RANBP17: variants seen among roughly 807,000 people sequenced by gnomAD.
The protein encoded by RANBP17 is RAN binding protein 17, also known as ran-binding protein 17.
Under a neutral mutation model 141.2 loss-of-function variants are expected in RANBP17, and 158 were observed. The observed-to-expected ratio is 1.12, with a 90% confidence interval of 0.98 to 1.28. The LOEUF is 1.28. RANBP17 is among the 50% of genes most tolerant of loss of function. RANBP17 has a pLI of 0.00. For synonymous variants in RANBP17, 430 were observed against 450.0 expected (o/e 0.96, Z 0.56); for missense variants, 1,438 against 1,290.7 (o/e 1.11, Z -1.75).
chr5:171,144,068 G>A (rs1210801056), intron 14 of RANBP17, among the ~76,000 whole-genome samples: 1 of 152,176 alleles, frequency 6.6e-6, no homozygotes, highest in East Asian at 1.9e-4. Context: ...TACCCTGTAA[G>A]AAATAGGCTG....
At chr5:171,103,035 G>C (rs920970064) in intron 14 of RANBP17, among the ~76,000 whole-genome samples, 13 of 152,172 alleles carry the variant, frequency 8.5e-5, no homozygotes, top group Admixed American at 7.2e-4. Flanking sequence ...GGTGTCTGTC[G>C]ACCCCTGCTG....
At chr5:170,869,323 C>CTTTT (rs70982310) in intron 1 of RANBP17, among the ~76,000 whole-genome samples, 3 of 125,482 alleles carry the variant, frequency 2.4e-5, no homozygotes, top group Non-Finnish European at 4.9e-5. Flanking sequence ...GCTCACAACA[C>CTTTT]TTTTTTTTTT....
intron 12 of RANBP17, among the ~76,000 whole-genome samples, chr5:170,952,854 A>G (rs1775312951): frequency 6.6e-6 from 1 of 152,018 alleles, no homozygotes; most frequent in Non-Finnish European, 1.5e-5. Context: ...CAGAGATATA[A>G]AATAATATAC....
intron 12 of RANBP17, among the ~76,000 whole-genome samples, chr5:170,938,938 C>G (rs966622356): frequency 2.6e-5 from 4 of 152,084 alleles, no homozygotes; most frequent in African/African-American, 7.2e-5. Context: ...ATCAATACAG[C>G]AAGCCCAACA....
intron 24 of RANBP17, among the ~76,000 whole-genome samples, chr5:171,260,999 CAT>C (rs1365887901): frequency 6.7e-6 from 1 of 148,172 alleles, no homozygotes; most frequent in Admixed American, 6.9e-5. Flanking sequence ...AATTGGATGT[CAT>C]GTGGTATGAA....
intron 1 of RANBP17, among the ~76,000 whole-genome samples, chr5:170,862,630 C>T (rs1766900120): frequency 6.6e-6 from 1 of 152,150 alleles, no homozygotes. Flanking sequence ...GAGGGCTACG[C>T]GGCCGCCTCT....
At chr5:171,277,943 T>C (rs1208203217) in intron 25 of RANBP17, among the ~76,000 whole-genome samples, 6,185 of 23,906 alleles carry the variant, frequency 0.26, 391 homozygotes, top group Admixed American at 0.32. Flanking sequence ...TCTTTCTTTT[T>C]TTTTTTTTTT....
intron 20 of RANBP17, among the ~76,000 whole-genome samples, chr5:171,210,225 T>G (rs1762796135): frequency 6.6e-6 from 1 of 152,124 alleles, no homozygotes; most frequent in South Asian, 2.1e-4. Context: ...ACTCCTAGAG[T>G]GGGTTCTGGT....
chr5:171,185,595 G>A (rs1471891042), intron 18 of RANBP17, among the ~76,000 whole-genome samples: 1 of 152,204 alleles, frequency 6.6e-6, no homozygotes, highest in African/African-American at 2.4e-5. Context: ...TCATCCAGAA[G>A]AAGCAACTCC....
intron 14 of RANBP17, among the ~76,000 whole-genome samples, chr5:171,004,172 A>G (rs775920990): frequency 7.9e-5 from 12 of 152,058 alleles, no homozygotes; most frequent in South Asian, 2.1e-4. Context: ...TTAGGTTTCA[A>G]TGGGATAGTA....
chr5:171,045,773 T>C (rs1283421452), intron 14 of RANBP17, among the ~76,000 whole-genome samples: 1 of 152,178 alleles, frequency 6.6e-6, no homozygotes, highest in Non-Finnish European at 1.5e-5. Flanking sequence ...TATATTCATG[T>C]AACCACTATC....
At chr5:171,080,244 A>AACACAC (rs5873252) in intron 14 of RANBP17, among the ~76,000 whole-genome samples, 1,823 of 147,872 alleles carry the variant, frequency 0.012, 44 homozygotes, top group African/African-American at 0.042. Context: ...ACACACACAA[A>AACACAC]ACACACACAC....
chr5:170,918,996 A>T (rs1862238), intron 10 of RANBP17, 137 bp downstream of exon 10: 291,120 of 444,502 alleles, frequency 0.65, 98,513 homozygotes, highest in South Asian at 0.89. Context: ...GGTTTTAGGT[A>T]AAAAAATTCA....
At chr5:171,068,412 T>C (rs1452245831) in intron 14 of RANBP17, among the ~76,000 whole-genome samples, 1 of 152,198 alleles carries the variant, frequency 6.6e-6, no homozygotes, top group Non-Finnish European at 1.5e-5. Flanking sequence ...TCAGAAATTG[T>C]TTTTGTCAAT....
At chr5:170,962,542 C>T (rs1048094752) in intron 13 of RANBP17, among the ~76,000 whole-genome samples, 5 of 152,142 alleles carry the variant, frequency 3.3e-5, no homozygotes, top group Non-Finnish European at 5.9e-5. Flanking sequence ...CTTGACAAAT[C>T]ACTTGGCTCC....
In RANBP17 at chr5:170,997,096, A is replaced by T. The variant is rs113823605; in HGVS notation, c.1710+28719A>T. 4.1e-4 allele frequency among the ~76,000 whole-genome samples: 62 copies of T among 152,086 alleles called. 1 individual carries two copies. The South Asian group carries it at 0.012, about 31-fold the overall frequency. On this transcript the variant is annotated intron_variant, in intron 14 of 27. Coordinates refer to ENST00000523189, the MANE Select transcript of RANBP17 (RefSeq NM_022897.5). ...GTGATAGTGAGTGAGTTCTCACGAG[A>T]TCTGATGGTTTTATGTGTTTGGTAG...
intron 12 of RANBP17, among the ~76,000 whole-genome samples, chr5:170,942,007 C>T (rs1234050560): frequency 6.6e-6 from 1 of 152,140 alleles, no homozygotes; most frequent in African/African-American, 2.4e-5. Flanking sequence ...AGGAGGCGAG[C>T]GGCAGGTGAA....
At chr5:171,130,045 T>C (rs1756789550) in intron 14 of RANBP17, among the ~76,000 whole-genome samples, 1 of 152,216 alleles carries the variant, frequency 6.6e-6, no homozygotes, top group Non-Finnish European at 1.5e-5. Flanking sequence ...AAATCAATCA[T>C]GGTCTGTGGT....
intron 14 of RANBP17, among the ~76,000 whole-genome samples, chr5:170,985,364 A>C (rs1778075087): frequency 6.6e-6 from 1 of 152,222 alleles, no homozygotes; most frequent in African/African-American, 2.4e-5. Context: ...CTTTAAAAAT[A>C]GACCCATAAA....
Sources: allele counts gnomAD v4.1 joint callset (sites outside exome capture counted in the v4.1 genomes callset), GRCh38; gene constraint gnomAD v4.1.1; transcripts MANE v1.5; gene names NCBI Gene and HGNC (gene_info 2026-07-23, HGNC 2026-07-21).